The following PTPRQ variants were observed in gnomAD, a reference collection of about 807,000 sequenced individuals.
PTPRQ encodes the protein phosphatidylinositol phosphatase PTPRQ.
A neutral mutation model predicts 246.0 loss-of-function variants in PTPRQ; 199 were observed. The ratio of observed to expected loss-of-function variants is 0.81; its 90% confidence interval spans 0.72 to 0.91. The LOEUF is 0.91. Ranked by LOEUF, PTPRQ falls within the 40% of genes least tolerant of loss-of-function variation. The pLI is 0.00. For missense variants in PTPRQ, 2,624 were observed against 2,528.4 expected, an observed-to-expected ratio of 1.04 and a Z score of -0.81; for synonymous variants, 869 against 853.2, an observed-to-expected ratio of 1.02 and a Z score of -0.32.
At chr12:80,590,147 A>C (rs1341981533) in intron 26 of PTPRQ, among the ~76,000 whole-genome samples, 1 of 152,096 alleles carries the variant, frequency 6.6e-6, no homozygotes, top group Non-Finnish European at 1.5e-5. Context: ...TCATATCATT[A>C]TTTATCTGTT....
chr12:80,619,306 C>A, intron 30 of PTPRQ, 78 bp from the exon 31 acceptor site: 1 of 1,454,430 alleles, frequency 6.9e-7, no homozygotes. Flanking sequence ...AAATTAACTG[C>A]ATGAAAGGAG....
Position 80,507,460 on chromosome 12 carries a change from G to A in PTPRQ, c.2557+790G>A, listed in dbSNP as rs985953493. 3.3e-5 allele frequency among the ~76,000 whole-genome samples: 5 copies of A among 151,750 alleles called. No homozygotes were observed. In the East Asian group the frequency reaches 9.7e-4, roughly 29 times the overall value. The stretch of plus-strand genomic sequence containing the variant: ...TCTTTTTCATCTTTCTTTCTTTCAA[G>A]TTTCCCCATCTTCAAGCTAGGCCAT... On this transcript the variant is annotated intron_variant, in intron 16 of 44. Coordinates refer to ENST00000644991, the MANE Select transcript of PTPRQ (RefSeq NM_001145026.2).
chr12:80,610,658 G>A (rs1898516172), intron 28 of PTPRQ, 33 bp downstream of exon 28: 1 of 1,536,986 alleles, frequency 6.5e-7, no homozygotes, highest in African/African-American at 1.4e-5. Context: ...GCTAAAAATT[G>A]ACTGAGATTT....
chr12:80,612,340 G>C (rs767709892), intron 28 of PTPRQ, among the ~76,000 whole-genome samples: 1 of 150,068 alleles, frequency 6.7e-6, no homozygotes, highest in African/African-American at 2.4e-5. Flanking sequence ...TTAGAAAATT[G>C]GCAGAAGACA....
chr12:80,486,331 G>A (rs1646443552), intron 9 of PTPRQ, among the ~76,000 whole-genome samples: 1 of 152,066 alleles, frequency 6.6e-6, no homozygotes, highest in Non-Finnish European at 1.5e-5. Context: ...GAGACATTAT[G>A]CTTCTCTTTA....
intron 16 of PTPRQ, 90 bp from the exon 17 acceptor site, chr12:80,510,233 A>T: frequency 8.0e-7 from 1 of 1,255,162 alleles, no homozygotes; most frequent in Non-Finnish European, 1.0e-6. Context: ...TTTACCAGAA[A>T]GTTTATAATA....
chr12:80,540,889 A>T (rs904346154), intron 20 of PTPRQ, among the ~76,000 whole-genome samples: 1 of 152,074 alleles, frequency 6.6e-6, no homozygotes, highest in Non-Finnish European at 1.5e-5. Context: ...TAATTTCCAC[A>T]CCATGGATAA....
chr12:80,576,065 T>C (rs1051608530), intron 25 of PTPRQ, among the ~76,000 whole-genome samples: 7 of 152,112 alleles, frequency 4.6e-5, no homozygotes, highest in African/African-American at 1.7e-4. Flanking sequence ...TTCTTTCTTA[T>C]GGATATTTTC....
At chr12:80,515,135 GATCACTA>G (rs1351633617) in intron 17 of PTPRQ, among the ~76,000 whole-genome samples, 2 of 152,046 alleles carry the variant, frequency 1.3e-5, no homozygotes, top group Middle Eastern at 3.4e-3. Context: ...CTTCATTAGT[GATCACTA>G]ATCTTTTTTG....
At chr12:80,557,996 C>T (rs1211894564) in intron 25 of PTPRQ, among the ~76,000 whole-genome samples, 1 of 151,838 alleles carries the variant, frequency 6.6e-6, no homozygotes, top group Non-Finnish European at 1.5e-5. Flanking sequence ...CAGAAAAAGA[C>T]ATTCAACCAA....
chr12:80,445,204 G>A (rs1196817317), intron 2 of PTPRQ, among the ~76,000 whole-genome samples: 2 of 151,894 alleles, frequency 1.3e-5, no homozygotes, highest in Non-Finnish European at 2.9e-5. Context: ...TAGTTTTTCT[G>A]TGTAAGCCTT....
intron 17 of PTPRQ, 138 bp from the exon 18 acceptor site, chr12:80,533,877 G>A: frequency 1.6e-6 from 1 of 613,860 alleles, no homozygotes. Flanking sequence ...AGTATTTCAG[G>A]ATAACCAACA....
intron 42 of PTPRQ, among the ~76,000 whole-genome samples, chr12:80,672,950 A>T (rs1314417408): frequency 6.6e-6 from 1 of 152,082 alleles, no homozygotes; most frequent in Non-Finnish European, 1.5e-5. Context: ...AGAAAGACAA[A>T]CTCAAATATT....
intron 17 of PTPRQ, among the ~76,000 whole-genome samples, chr12:80,524,166 A>T (rs550296447): frequency 6.6e-5 from 10 of 152,174 alleles, no homozygotes; most frequent in South Asian, 4.1e-4. Context: ...AGTCTGTTTT[A>T]TCAGAGACTA....
intron 3 of PTPRQ, among the ~76,000 whole-genome samples, chr12:80,453,383 G>A (rs982668053): frequency 7.2e-5 from 11 of 151,930 alleles, no homozygotes; most frequent in Non-Finnish European, 1.5e-4. Flanking sequence ...GTCATTCTCT[G>A]TCCAGCTTTG....
At chr12:80,557,136 T>G (rs1160604895) in intron 25 of PTPRQ, among the ~76,000 whole-genome samples, 1 of 152,162 alleles carries the variant, frequency 6.6e-6, no homozygotes, top group African/African-American at 2.4e-5. Context: ...CTGAGCCTCC[T>G]AAGTAATACA....
chr12:80,605,088 G>A lies in PTPRQ; in HGVS notation c.4639G>A (p.Val1547Ile). The A allele has an allele frequency of 1.3e-6, 2 of 1,544,248 alleles. No homozygotes were observed. Among genetic ancestry groups the A allele is most frequent in the South Asian group, 1.2e-5 (1 of 83,168 alleles). Reference sequence around the variant, plus strand: ...AGATGGTCCTCCTGAAAATGTTCATGTAGTAGCAACATCACCTTTTAGCAT... The same window carrying A: ...AGATGGTCCTCCTGAAAATGTTCATATAGTAGCAACATCACCTTTTAGCAT... The part of the protein sequence containing the change: ...PPDGPPENVH[V>I]VATSPFSISI... The change falls in exon 27 of 45, where the codon GTA becomes ATA. Residue 1547 changes from valine (V) to isoleucine (I), a missense_variant. Val to Ile is a conservative substitution (Grantham distance 29). Transcript: ENST00000644991.
chr12:80,463,573 A>C (rs1893282957), intron 6 of PTPRQ, among the ~76,000 whole-genome samples: 1 of 152,088 alleles, frequency 6.6e-6, no homozygotes, highest in Admixed American at 6.5e-5. Flanking sequence ...TGTCAGATTC[A>C]CCAAAGTTGA....
intron 9 of PTPRQ, among the ~76,000 whole-genome samples, chr12:80,490,505 T>C (rs202232125): frequency 6.6e-6 from 1 of 152,018 alleles, no homozygotes. Flanking sequence ...AGGCCTTTCA[T>C]GTTGACAAAT....
Sources: gnomAD v4.1 joint callset for allele counts (sites outside exome capture counted in the v4.1 genomes callset) on GRCh38, gnomAD v4.1.1 for gene constraint, MANE v1.5 for transcripts, NCBI Gene and HGNC (gene_info 2026-07-23, HGNC 2026-07-21) for gene names.